The following CNTN4 variants were observed in gnomAD, a reference collection of about 807,000 sequenced individuals.
CNTN4 encodes contactin 4, also known as contactin-4.
Under a neutral mutation model 122.5 loss-of-function variants are expected in CNTN4, and 77 were observed. The observed-to-expected ratio is 0.63, with a 90% CI of 0.52 to 0.76. The LOEUF (loss-of-function observed/expected upper bound fraction) is 0.76. Ranked by LOEUF, CNTN4 falls within the 30% of genes least tolerant of loss-of-function variation. CNTN4 has a pLI of 0.00. For missense variants in CNTN4, 1,256 were observed against 1,259.1 expected (o/e 1.00, Z 0.04); for synonymous variants, 512 against 447.0 (o/e 1.15, Z -1.83).
rs73115734 is a variant in CNTN4, at chr3:2,302,298, C to T, written c.-144-36880C>T. Among the ~76,000 whole-genome samples the T allele has an allele frequency of 2.7e-3, 414 of 152,166 alleles. 2 individuals carry two copies. Among genetic ancestry groups the T allele is most frequent in the African/African-American group, 9.5e-3 (393 of 41,502 alleles). ...ACAAAACTTAGCCGGCATGGTGGTG[C>T]ACACCTGTAATCTCAGCTACTGAGG... On this transcript the variant is annotated intron_variant, in intron 2 of 24. Coordinates refer to ENST00000418658, the MANE Select transcript of CNTN4 (RefSeq NM_175607.3).
chr3:2,521,860 T>A (rs2077230186), intron 3 of CNTN4, among the ~76,000 whole-genome samples: 1 of 151,974 alleles, frequency 6.6e-6, no homozygotes, highest in South Asian at 2.1e-4. Context: ...CTCAACACTG[T>A]GGAGTGATTT....
In CNTN4 at chr3:3,056,364, C is replaced by G; in HGVS notation, c.*144C>G. The G allele has an allele frequency of 1.5e-6, 1 of 673,294 alleles. No individual in the cohort carries two copies. Among genetic ancestry groups the G allele is most frequent in the Non-Finnish European group, 2.7e-6 (1 of 376,210 alleles). The allele number at this position is 673,294 out of a possible 1,614,324, so 41.7% of individuals were successfully genotyped here. On this transcript the variant is annotated 3_prime_UTR_variant, in exon 25 of 25. Coordinates refer to ENST00000418658, the MANE Select transcript of CNTN4 (RefSeq NM_175607.3). ...ATGTTTTTTGCTTCTTTAGGAATGGCATTATACAGTACTTCCTCAAAGCAA... is the reference window on the plus strand; with the variant it reads ...ATGTTTTTTGCTTCTTTAGGAATGGGATTATACAGTACTTCCTCAAAGCAA...
chr3:2,945,821 G>C (rs1158830840), intron 13 of CNTN4, among the ~76,000 whole-genome samples: 1 of 152,072 alleles, frequency 6.6e-6, no homozygotes, highest in Non-Finnish European at 1.5e-5. Context: ...ATAGATTTGT[G>C]TCAAACCTAA....
rs530530572 is a variant in CNTN4 at position 2,427,475 on chromosome 3, G to A, written c.-89+88242G>A. On this transcript the variant is annotated intron_variant, in intron 3 of 24. Transcript: ENST00000418658. Reference sequence around the variant, plus strand: ...TTCCTGTTCTTTTACATTTGCTGAGGAGTTCTTTACTTCCAACTTTGTGGT... The same window carrying A: ...TTCCTGTTCTTTTACATTTGCTGAGAAGTTCTTTACTTCCAACTTTGTGGT... 3.3e-5 allele frequency among the ~76,000 whole-genome samples: 5 copies of A among 152,314 alleles called. No homozygotes were observed. In the South Asian group the frequency reaches 1.0e-3, roughly 32 times the overall value.
At chr3:2,794,056 A>C (rs957105385) in intron 6 of CNTN4, among the ~76,000 whole-genome samples, 5 of 152,142 alleles carry the variant, frequency 3.3e-5, no homozygotes, top group Non-Finnish European at 5.9e-5. Flanking sequence ...AGCATAAGGA[A>C]ATTTAACATG....
At chr3:2,797,595 C>G (rs934064884) in intron 6 of CNTN4, among the ~76,000 whole-genome samples, 1 of 152,020 alleles carries the variant, frequency 6.6e-6, no homozygotes, top group Non-Finnish European at 1.5e-5. Context: ...CGAAACTCCG[C>G]CTCAAAAACA....
At chr3:2,838,824 T>A (rs985213377) in intron 7 of CNTN4, among the ~76,000 whole-genome samples, 3 of 152,146 alleles carry the variant, frequency 2.0e-5, no homozygotes, top group Non-Finnish European at 1.5e-5. Flanking sequence ...TCTCCATTAA[T>A]AATGGACTGT....
At chr3:2,700,149 G>T (rs536017956) in intron 4 of CNTN4, among the ~76,000 whole-genome samples, 10 of 152,244 alleles carry the variant, frequency 6.6e-5, no homozygotes, top group South Asian at 2.1e-4. Flanking sequence ...TCTTGAACTG[G>T]AAATTTAGCA....
At chr3:2,780,197 A>C (rs987559770) in intron 6 of CNTN4, among the ~76,000 whole-genome samples, 1 of 152,252 alleles carries the variant, frequency 6.6e-6, no homozygotes, top group Admixed American at 6.5e-5. Flanking sequence ...ATGTTGAAAC[A>C]GAATGATATA....
intron 3 of CNTN4, among the ~76,000 whole-genome samples, chr3:2,540,083 G>GTT (rs906060018): frequency 6.6e-6 from 1 of 151,924 alleles, no homozygotes; most frequent in African/African-American, 2.4e-5. Flanking sequence ...GTGTGTGTGT[G>GTT]TGTGTGTGTG....
intron 7 of CNTN4, among the ~76,000 whole-genome samples, chr3:2,835,481 T>A (rs534038027): frequency 6.6e-6 from 1 of 152,316 alleles, no homozygotes; most frequent in Admixed American, 6.5e-5. Flanking sequence ...CCATAAATCC[T>A]ATTTCAATTG....
chr3:2,503,726 C>T (rs966875213), intron 3 of CNTN4, among the ~76,000 whole-genome samples: 1 of 151,790 alleles, frequency 6.6e-6, no homozygotes, highest in African/African-American at 2.4e-5. Context: ...GATGAGGAAG[C>T]ATTACAGGCA....
chr3:2,768,676 C>CT (rs1269368810), intron 6 of CNTN4, among the ~76,000 whole-genome samples: 1 of 152,176 alleles, frequency 6.6e-6, no homozygotes, highest in Non-Finnish European at 1.5e-5. Context: ...GGTTGGTCCT[C>CT]TGTGTCTACT....
chr3:2,445,659 A>C (rs918904346), intron 3 of CNTN4, among the ~76,000 whole-genome samples: 6 of 152,286 alleles, frequency 3.9e-5, no homozygotes, highest in African/African-American at 1.4e-4. Context: ...TCATGTAATA[A>C]TTATTATTAT....
chr3:2,421,635 T>C (rs2047621870), intron 3 of CNTN4, among the ~76,000 whole-genome samples: 2 of 152,212 alleles, frequency 1.3e-5, no homozygotes. Flanking sequence ...TTGAAGCCCT[T>C]TTCACATCTT....
intron 2 of CNTN4, among the ~76,000 whole-genome samples, chr3:2,301,511 A>T (rs1243472904): frequency 6.6e-6 from 1 of 152,196 alleles, no homozygotes; most frequent in Non-Finnish European, 1.5e-5. Flanking sequence ...AGACCACAGA[A>T]TTCTTGTTCT....
intron 7 of CNTN4, among the ~76,000 whole-genome samples, chr3:2,828,790 G>T (rs959953952): frequency 9.2e-5 from 14 of 151,906 alleles, no homozygotes; most frequent in Non-Finnish European, 7.4e-5. Flanking sequence ...ACCTAGTCTG[G>T]AGTGCAGTGG....
At chr3:2,497,539 T>G (rs1311236414) in intron 3 of CNTN4, among the ~76,000 whole-genome samples, 1 of 152,196 alleles carries the variant, frequency 6.6e-6, no homozygotes, top group Non-Finnish European at 1.5e-5. Context: ...CGATCTTCAG[T>G]AAGAAGAGGT....
chr3:2,400,368 G>T (rs959876355), intron 3 of CNTN4, among the ~76,000 whole-genome samples: 9 of 142,522 alleles, frequency 6.3e-5, no homozygotes, highest in African/African-American at 2.3e-4. Flanking sequence ...GTGGGTGTAT[G>T]TGTGTGTATA....
Sources: gnomAD v4.1 joint callset for allele counts (sites outside exome capture counted in the v4.1 genomes callset) on GRCh38, gnomAD v4.1.1 for gene constraint, MANE v1.5 for transcripts, NCBI Gene and HGNC (gene_info 2026-07-23, HGNC 2026-07-21) for gene names.